The following MACROD2 variants were observed in gnomAD, a reference collection of about 807,000 sequenced individuals.
MACROD2 encodes ADP-ribose glycohydrolase MACROD2.
In MACROD2, 36 loss-of-function variants were observed where a neutral mutation model predicts 70.4. The observed-to-expected ratio is 0.51, with a 90% confidence interval of 0.39 to 0.68. MACROD2 has a LOEUF of 0.68. MACROD2 is among the 30% of genes least tolerant of loss of function. The probability of loss-of-function intolerance (pLI) is 0.00; values close to 1 mark genes in which losing one functional copy is unlikely to be tolerated. For synonymous variants in MACROD2, 172 were observed against 178.8 expected, an observed-to-expected ratio of 0.96 and a Z score of 0.30; for missense variants, 496 against 538.4, an observed-to-expected ratio of 0.92 and a Z score of 0.78.
At chr20:15,767,691 A>T (rs2051550482) in intron 8 of MACROD2, among the ~76,000 whole-genome samples, 1 of 152,336 alleles carries the variant, frequency 6.6e-6, no homozygotes, top group East Asian at 1.9e-4. Flanking sequence ...TTTACAAGCC[A>T]AATATTTCAC....
chr20:15,200,911 T>C (rs1345751409), intron 5 of MACROD2, among the ~76,000 whole-genome samples: 3 of 152,022 alleles, frequency 2.0e-5, no homozygotes, highest in African/African-American at 7.2e-5. Flanking sequence ...TAACAAGGGG[T>C]TAGAAGCAAA....
chr20:14,950,953 C>T (rs917199784), intron 5 of MACROD2, among the ~76,000 whole-genome samples: 1 of 152,070 alleles, frequency 6.6e-6, no homozygotes, highest in Non-Finnish European at 1.5e-5. Flanking sequence ...TAGGGAATTG[C>T]AAATTTAGAA....
At chr20:15,844,552 A>G (rs1219563352) in intron 8 of MACROD2, among the ~76,000 whole-genome samples, 2 of 152,152 alleles carry the variant, frequency 1.3e-5, no homozygotes, top group Non-Finnish European at 2.9e-5. Flanking sequence ...TTATGCAACT[A>G]GTAAGTGGTG....
intron 6 of MACROD2, among the ~76,000 whole-genome samples, chr20:15,312,269 A>G (rs1202032154): frequency 6.6e-6 from 1 of 152,222 alleles, no homozygotes; most frequent in Non-Finnish European, 1.5e-5. Context: ...TGGATATTTG[A>G]CATGTAGAAA....
intron 10 of MACROD2, among the ~76,000 whole-genome samples, chr20:15,916,897 A>G (rs764415968): frequency 3.3e-5 from 5 of 152,228 alleles, no homozygotes; most frequent in Non-Finnish European, 5.9e-5. Flanking sequence ...GGTCTCCCCA[A>G]AACAGGGGTC....
intron 5 of MACROD2, among the ~76,000 whole-genome samples, chr20:15,020,453 C>G (rs1251069626): frequency 6.6e-6 from 1 of 152,032 alleles, no homozygotes. Flanking sequence ...TGTCTTAAAA[C>G]CAAAGTCAAA....
chr20:15,502,204 C>T (rs745773422), intron 8 of MACROD2, among the ~76,000 whole-genome samples: 8 of 152,262 alleles, frequency 5.3e-5, no homozygotes, highest in Admixed American at 2.0e-4. Flanking sequence ...TTTAGGTAGA[C>T]GTGCTGAGGA....
At chr20:15,119,871 T>C (rs1365411909) in intron 5 of MACROD2, among the ~76,000 whole-genome samples, 2 of 152,188 alleles carry the variant, frequency 1.3e-5, no homozygotes, top group Non-Finnish European at 2.9e-5. Flanking sequence ...GACAGTGGGG[T>C]CCTTGGTGTC....
At chr20:15,476,928 A>G (rs2047029345) in intron 7 of MACROD2, among the ~76,000 whole-genome samples, 1 of 152,150 alleles carries the variant, frequency 6.6e-6, no homozygotes, top group African/African-American at 2.4e-5. Flanking sequence ...GAAAGAGGAA[A>G]AATCTCGAAT....
intron 3 of MACROD2, among the ~76,000 whole-genome samples, chr20:14,396,924 C>CAAAAAAA (rs373227803): frequency 3.6e-5 from 3 of 82,602 alleles, no homozygotes; most frequent in African/African-American, 4.6e-5. Context: ...GACTCCATCT[C>CAAAAAAA]AAAAAAAAAA....
intron 5 of MACROD2, among the ~76,000 whole-genome samples, chr20:15,136,076 G>C (rs1026371814): frequency 6.8e-6 from 1 of 147,556 alleles, no homozygotes; most frequent in African/African-American, 2.5e-5. Context: ...ACAAACAAAT[G>C]GAAGAACATT....
intron 15 of MACROD2, among the ~76,000 whole-genome samples, chr20:16,000,498 T>C (rs2066695033): frequency 6.6e-6 from 1 of 152,190 alleles, no homozygotes; most frequent in African/African-American, 2.4e-5. Context: ...CCTACAACCC[T>C]GTACTCAGAA....
intron 2 of MACROD2, among the ~76,000 whole-genome samples, chr20:14,046,244 T>C (rs1382739727): frequency 6.6e-6 from 1 of 152,210 alleles, no homozygotes; most frequent in East Asian, 1.9e-4. Flanking sequence ...AGCAGACCTC[T>C]AAACTATAAC....
At chr20:14,646,084 A>T (rs994742272) in intron 4 of MACROD2, among the ~76,000 whole-genome samples, 1 of 151,356 alleles carries the variant, frequency 6.6e-6, no homozygotes, top group Non-Finnish European at 1.5e-5. Context: ...AAGTTATAAG[A>T]AATAACTTGG....
At chr20:15,274,319 A>G (rs1186480291) in intron 6 of MACROD2, among the ~76,000 whole-genome samples, 1 of 151,946 alleles carries the variant, frequency 6.6e-6, no homozygotes, top group East Asian at 1.9e-4. Flanking sequence ...TTACAGTTAG[A>G]CTCCTGTGGC....
chr20:14,386,600 T>C (rs1014189363), intron 3 of MACROD2, among the ~76,000 whole-genome samples: 7 of 150,422 alleles, frequency 4.7e-5, no homozygotes, highest in Non-Finnish European at 1.0e-4. Flanking sequence ...TTCTCTCTCT[T>C]TCTCTCTCTC....
chr20:15,875,940 C>A (rs1321262961), intron 9 of MACROD2, among the ~76,000 whole-genome samples: 7 of 151,218 alleles, frequency 4.6e-5, no homozygotes, highest in Admixed American at 2.6e-4. Context: ...AAAAAAAAGT[C>A]TTTTTAGGAA....
chr20:14,587,738 T>TA (rs11476462), intron 4 of MACROD2, among the ~76,000 whole-genome samples: 1 of 151,600 alleles, frequency 6.6e-6, no homozygotes, highest in Non-Finnish European at 1.5e-5. Flanking sequence ...TCCCTGCATT[T>TA]AAAAAAAATA....
intron 3 of MACROD2, among the ~76,000 whole-genome samples, chr20:14,338,323 C>T (rs1220133471): frequency 6.6e-6 from 1 of 152,096 alleles, no homozygotes; most frequent in Non-Finnish European, 1.5e-5. Flanking sequence ...GCCAAGATTG[C>T]ACCATTGCAC....
Sources: gnomAD v4.1 joint callset for allele counts (sites outside exome capture counted in the v4.1 genomes callset) on GRCh38, gnomAD v4.1.1 for gene constraint, MANE v1.5 for transcripts, NCBI Gene and HGNC (gene_info 2026-07-23, HGNC 2026-07-21) for gene names.